Variants in ST6GALNAC5 observed in about 807,000 individuals in gnomAD.
ST6GALNAC5 encodes the protein alpha-N-acetylgalactosaminide alpha-2,6-sialyltransferase 5.
Under a neutral mutation model 33.6 loss-of-function variants are expected in ST6GALNAC5, and 27 were observed. The observed-to-expected ratio is 0.80, with a 90% CI of 0.59 to 1.11. ST6GALNAC5 has a LOEUF of 1.11. Among genes scored for constraint, ST6GALNAC5 ranks in the 50% least tolerant of loss-of-function variants. The probability of loss-of-function intolerance (pLI) is 0.00; values close to 1 mark genes in which losing one functional copy is unlikely to be tolerated. For synonymous variants in ST6GALNAC5, 194 were observed against 171.2 expected (o/e 1.13, Z -1.04); for missense variants, 428 against 454.0 (o/e 0.94, Z 0.52).
intron 2 of ST6GALNAC5, among the ~76,000 whole-genome samples, chr1:76,969,733 C>G (rs902605954): frequency 6.6e-6 from 1 of 152,142 alleles, no homozygotes; most frequent in African/African-American, 2.4e-5. Context: ...TCAAGTGGGT[C>G]CCTGACCCCC....
chr1:76,950,981 CA>C (rs374447243), intron 2 of ST6GALNAC5, among the ~76,000 whole-genome samples: 4,467 of 142,664 alleles, frequency 0.031, 208 homozygotes, highest in African/African-American at 0.1. Flanking sequence ...TTTGTTACAC[CA>C]AAAAAAAAAA....
intron 2 of ST6GALNAC5, among the ~76,000 whole-genome samples, chr1:76,956,509 T>G (rs9661805): frequency 0.011 from 1,716 of 152,240 alleles, 35 homozygotes; most frequent in African/African-American, 0.039. Context: ...GAGTAACCAT[T>G]TCCAACTTCC....
At chr1:76,904,189 G>T (rs1005002673) in intron 2 of ST6GALNAC5, among the ~76,000 whole-genome samples, 1 of 152,316 alleles carries the variant, frequency 6.6e-6, no homozygotes, top group Non-Finnish European at 1.5e-5. Flanking sequence ...AGGATGAATA[G>T]ATGCCAGATG....
intron 2 of ST6GALNAC5, among the ~76,000 whole-genome samples, chr1:77,015,986 G>A (rs1650816187): frequency 6.6e-6 from 1 of 151,654 alleles, no homozygotes; most frequent in Admixed American, 6.6e-5. Context: ...GAAAGGCAGG[G>A]GGCTCAGTTT....
intron 3 of ST6GALNAC5, among the ~76,000 whole-genome samples, chr1:77,046,018 C>T (rs1208404664): frequency 1.3e-5 from 2 of 152,206 alleles, no homozygotes; most frequent in African/African-American, 4.8e-5. Context: ...GTCTAATAAT[C>T]AAATTGCCTC....
intron 2 of ST6GALNAC5, among the ~76,000 whole-genome samples, chr1:77,037,715 AAGAT>A (rs1651697691): frequency 6.6e-6 from 1 of 152,128 alleles, no homozygotes; most frequent in Non-Finnish European, 1.5e-5. Flanking sequence ...AGAAATATAA[AAGAT>A]AGAATAAAAG....
chr1:77,030,994 T>G (rs939143646), intron 2 of ST6GALNAC5, among the ~76,000 whole-genome samples: 5 of 152,142 alleles, frequency 3.3e-5, no homozygotes, highest in Admixed American at 3.3e-4. Flanking sequence ...ACATAAACAG[T>G]AGGTGCTTAA....
intron 2 of ST6GALNAC5, among the ~76,000 whole-genome samples, chr1:76,905,957 C>T (rs1049194282): frequency 2.6e-5 from 4 of 152,162 alleles, no homozygotes; most frequent in African/African-American, 9.7e-5. Context: ...TTCTATCGTG[C>T]TGTTGCTGAA....
intron 2 of ST6GALNAC5, among the ~76,000 whole-genome samples, chr1:76,969,864 A>G (rs1257803493): frequency 6.6e-6 from 1 of 152,160 alleles, no homozygotes; most frequent in Non-Finnish European, 1.5e-5. Flanking sequence ...CTGTTCTGCA[A>G]TATTTGCTGT....
chr1:76,972,429 G>T (rs1373191932), intron 2 of ST6GALNAC5, among the ~76,000 whole-genome samples: 1 of 152,088 alleles, frequency 6.6e-6, no homozygotes, highest in Admixed American at 6.6e-5. Flanking sequence ...CCATTTTTAA[G>T]TAAGTGATAC....
At chr1:76,925,839 T>C (rs937755440) in intron 2 of ST6GALNAC5, among the ~76,000 whole-genome samples, 14 of 152,138 alleles carry the variant, frequency 9.2e-5, no homozygotes, top group African/African-American at 1.9e-4. Flanking sequence ...TTTTAAAAGG[T>C]AACTAGTGAT....
chr1:77,028,629 G>T (rs1361330911), intron 2 of ST6GALNAC5, among the ~76,000 whole-genome samples: 1 of 152,200 alleles, frequency 6.6e-6, no homozygotes, highest in Non-Finnish European at 1.5e-5. Context: ...CACACAAATG[G>T]CTGAGTTTGG....
intron 2 of ST6GALNAC5, chr1:76,995,508 G>C (rs940022570): frequency 6.6e-6 from 1 of 152,054 alleles, no homozygotes; most frequent in South Asian, 2.1e-4. Context: ...TCTTATTGAC[G>C]GACAAGTTAC....
intron 2 of ST6GALNAC5, among the ~76,000 whole-genome samples, chr1:76,998,134 T>C (rs900148955): frequency 3.9e-5 from 6 of 152,208 alleles, no homozygotes; most frequent in African/African-American, 1.4e-4. Context: ...CTTTATAAAT[T>C]ACCCAGTCTT....
At chr1:76,921,078 A>G (rs1302860787) in intron 2 of ST6GALNAC5, among the ~76,000 whole-genome samples, 1 of 152,150 alleles carries the variant, frequency 6.6e-6, no homozygotes, top group Non-Finnish European at 1.5e-5. Context: ...TGCCTGAGAG[A>G]CTTTATTTAG....
intron 4 of ST6GALNAC5, among the ~76,000 whole-genome samples, chr1:77,059,001 G>A (rs1029915115): frequency 1.3e-5 from 2 of 152,144 alleles, no homozygotes; most frequent in African/African-American, 4.8e-5. Context: ...AGAATCTCAA[G>A]GAGCTTTCCA....
intron 2 of ST6GALNAC5, among the ~76,000 whole-genome samples, chr1:76,918,714 G>T (rs1235502557): frequency 6.6e-6 from 1 of 151,390 alleles, no homozygotes; most frequent in East Asian, 1.9e-4. Flanking sequence ...TGCCAGATTT[G>T]GGTACTTTGA....
chr1:77,012,587 T>G (rs972970588), intron 2 of ST6GALNAC5, among the ~76,000 whole-genome samples: 1 of 152,218 alleles, frequency 6.6e-6, no homozygotes, highest in Non-Finnish European at 1.5e-5. Flanking sequence ...CAGGTCCTAA[T>G]TGGATCGACT....
intron 2 of ST6GALNAC5, among the ~76,000 whole-genome samples, chr1:76,966,666 G>C (rs1225270479): frequency 1.3e-5 from 2 of 152,154 alleles, no homozygotes; most frequent in African/African-American, 4.8e-5. Flanking sequence ...GGGCATCCCT[G>C]TCTTGTGCCA....
Sources: gnomAD v4.1 joint callset for allele counts (sites outside exome capture counted in the v4.1 genomes callset) on GRCh38, gnomAD v4.1.1 for gene constraint, MANE v1.5 for transcripts, NCBI Gene and HGNC (gene_info 2026-07-23, HGNC 2026-07-21) for gene names.